CASP6: variants seen among roughly 807,000 people sequenced by gnomAD.
CASP6 encodes the protein caspase-6.
In CASP6, 20 loss-of-function variants were observed where a neutral mutation model predicts 31.8. The ratio of observed to expected loss-of-function variants is 0.63; its 90% CI spans 0.44 to 0.91. The LOEUF (loss-of-function observed/expected upper bound fraction) is 0.91. Among genes scored for constraint, CASP6 ranks in the 40% least tolerant of loss-of-function variants. CASP6 has a pLI of 0.00. For missense variants in CASP6, 328 were observed against 361.1 expected, an observed-to-expected ratio of 0.91 and a Z score of 0.74; for synonymous variants, 130 against 127.8, an observed-to-expected ratio of 1.02 and a Z score of -0.12.
At chr4:109,683,492 TAA>T in the CASP6 span, among the ~76,000 whole-genome samples, 1 of 152,234 alleles carries the variant, frequency 6.6e-6, no homozygotes, top group African/African-American at 2.4e-5. Flanking sequence ...TTTTAAAATC[TAA>T]AGTTTTCCTC....
chr4:109,703,675 G>T (rs559633270), upstream of CASP6: 2 of 515,572 alleles, frequency 3.9e-6, no homozygotes, highest in Non-Finnish European at 6.9e-6. Context: ...GGGACTAACC[G>T]TGCCCTGGGG....
downstream of CASP6, chr4:109,687,443 T>G (rs1045809267): frequency 1.9e-6 from 2 of 1,034,418 alleles, no homozygotes; most frequent in Non-Finnish European, 3.0e-6. Flanking sequence ...GTTTATAGAA[T>G]TCCTCTCAAG....
At chr4:109,677,049 G>C in the CASP6 span, among the ~76,000 whole-genome samples, 1 of 152,236 alleles carries the variant, frequency 6.6e-6, no homozygotes, top group Admixed American at 6.5e-5. Context: ...GCAAAGCCAT[G>C]GGGGCAGGAC....
chr4:109,699,885 A>C (rs1285098422), intron 1 of CASP6, among the ~76,000 whole-genome samples: 2 of 152,236 alleles, frequency 1.3e-5, no homozygotes, highest in African/African-American at 4.8e-5. Flanking sequence ...TCACCTGCTT[A>C]TCTTTTAACC....
At chr4:109,697,333 A>G (rs1216668370) in intron 3 of CASP6, among the ~76,000 whole-genome samples, 3 of 151,756 alleles carry the variant, frequency 2.0e-5, no homozygotes, top group Middle Eastern at 3.4e-3. Context: ...GTGCAGTGGC[A>G]TGATCACAGC....
intron 6 of CASP6, among the ~76,000 whole-genome samples, chr4:109,690,245 AAAAC>A (rs1729999963): frequency 1.5e-5 from 1 of 66,448 alleles, no homozygotes; most frequent in East Asian, 3.2e-4. Flanking sequence ...ATAAAAAAAA[AAAAC>A]GCACGCACGC....
intron 5 of CASP6, chr4:109,691,936 C>G (rs1297404054): frequency 2.0e-5 from 3 of 152,192 alleles, no homozygotes; most frequent in Admixed American, 6.5e-5. Context: ...TCTGAGACTT[C>G]CAGCTCCAGG....
downstream of CASP6, chr4:109,687,579 A>G: frequency 6.2e-7 from 1 of 1,605,542 alleles, no homozygotes. Flanking sequence ...GAAGAACTCA[A>G]TGAAAAGAAT....
the CASP6 span, chr4:109,683,327 A>AT: frequency 6.6e-6 from 1 of 152,236 alleles, no homozygotes; most frequent in East Asian, 1.9e-4. Context: ...ATCTTTGAAT[A>AT]TGAATGGAAA....
the CASP6 span, chr4:109,682,525 A>G: frequency 7.0e-7 from 1 of 1,429,426 alleles, no homozygotes; most frequent in Non-Finnish European, 9.5e-7. Flanking sequence ...CGAAAGATTT[A>G]CACACCCTGC....
chr4:109,689,310 A>G lies in CASP6; in HGVS notation c.*20T>C, dbSNP rs1729949402. 4.4e-6 allele frequency: 7 copies of G among 1,607,872 alleles called. No homozygotes were observed. Among genetic ancestry groups the G allele is most frequent in the Non-Finnish European group, 5.1e-6 (6 of 1,175,044 alleles). On this transcript the variant is annotated 3_prime_UTR_variant, in exon 7 of 7. Coordinates refer to ENST00000265164, the MANE Select transcript of CASP6 (RefSeq NM_001226.4). ...AAGCCATTTTCAATACAGAGTGTAA[A>G]ATTAGATAGCCTCTATTAATTAATT...
chr4:109,689,619 C>T (rs768913377), intron 6 of CASP6, 51 bp from the exon 7 acceptor site: 10 of 1,487,636 alleles, frequency 6.7e-6, no homozygotes, highest in African/African-American at 2.8e-5. Flanking sequence ...CTTTCAATTA[C>T]TGTGTGTATT....
the CASP6 span, among the ~76,000 whole-genome samples, chr4:109,664,741 C>T: frequency 2.6e-5 from 4 of 151,994 alleles, no homozygotes; most frequent in Admixed American, 2.6e-4. Flanking sequence ...TTTGGAAAAC[C>T]AGTGTTTAAG....
chr4:109,703,092 C>T (rs1730475731), intron 1 of CASP6, among the ~76,000 whole-genome samples: 1 of 152,144 alleles, frequency 6.6e-6, no homozygotes, highest in African/African-American at 2.4e-5. Flanking sequence ...GGCAGGGGCA[C>T]GCCCCGGCGC....
At chr4:109,703,232 T>G in intron 1 of CASP6, 124 bp downstream of exon 1, 1 of 1,158,170 alleles carries the variant, frequency 8.6e-7, no homozygotes, top group Admixed American at 2.5e-5. Flanking sequence ...CAGGCCGCCC[T>G]GCAAAGCCGA....
At chr4:109,704,176 T>C (rs1579116635), upstream of CASP6, among the ~76,000 whole-genome samples, 2 of 152,330 alleles carry the variant, frequency 1.3e-5, no homozygotes, top group East Asian at 3.9e-4. Flanking sequence ...TACAAAGGCC[T>C]CTAAGTGTCC....
chr4:109,684,890 G>T, downstream of CASP6: 1 of 431,216 alleles, frequency 2.3e-6, no homozygotes, highest in East Asian at 3.7e-5. Flanking sequence ...ATAAATATGT[G>T]TTCTCTGTGC....
chr4:109,706,444 T>C (rs1579118520), upstream of CASP6, among the ~76,000 whole-genome samples: 1 of 151,868 alleles, frequency 6.6e-6, no homozygotes, highest in Admixed American at 6.6e-5. Flanking sequence ...AAGAAAGTGG[T>C]TTATTGAGAT....
chr4:109,667,010 T>C, the CASP6 span, among the ~76,000 whole-genome samples: 22 of 152,210 alleles, frequency 1.4e-4, no homozygotes, highest in Non-Finnish European at 1.5e-5. Flanking sequence ...TGAGGATTTT[T>C]GTGTCTATAT....
Sources: gnomAD v4.1 joint callset for allele counts (sites outside exome capture counted in the v4.1 genomes callset) on GRCh38, gnomAD v4.1.1 for gene constraint, MANE v1.5 for transcripts, NCBI Gene and HGNC (gene_info 2026-07-23, HGNC 2026-07-21) for gene names.